Variants in UTS2 observed in about 807,000 individuals in gnomAD.
UTS2 encodes urotensin 2.
In UTS2, 10 loss-of-function variants were observed where a neutral mutation model predicts 12.6. The observed-to-expected ratio is 0.80, with a 90% CI of 0.49 to 1.35. The LOEUF is 1.35. Among genes scored for constraint, UTS2 ranks in the 40% most tolerant of loss-of-function variants. The pLI is 0.00. For missense variants in UTS2, 142 were observed against 143.2 expected (o/e 0.99, Z 0.04); for synonymous variants, 52 against 50.0 (o/e 1.04, Z -0.17).
the UTS2 span, among the ~76,000 whole-genome samples, chr1:7,908,424 T>C: frequency 0.13 from 18,937 of 141,304 alleles, 4,203 homozygotes; most frequent in African/African-American, 0.47. Context: ...TGAGATTGCA[T>C]CGCTCCGGCC....
chr1:7,854,006 G>C (rs68024107), upstream of UTS2, among the ~76,000 whole-genome samples: 25,792 of 152,106 alleles, frequency 0.17, 2,425 homozygotes, highest in Non-Finnish European at 0.18. Context: ...GAGGCAGGAG[G>C]ATCACTTGAG....
chr1:7,886,979 T>C, the UTS2 span, among the ~76,000 whole-genome samples: 3 of 130,948 alleles, frequency 2.3e-5, no homozygotes, highest in African/African-American at 8.8e-5. Flanking sequence ...AGGCAGAGGT[T>C]GCAGTGAGCC....
At chr1:7,854,544 G>T (rs1638264900), upstream of UTS2, among the ~76,000 whole-genome samples, 1 of 86,786 alleles carries the variant, frequency 1.2e-5, no homozygotes, top group Admixed American at 1.2e-4. Flanking sequence ...AAGAAAAGTG[G>T]TTACAACGTA....
chr1:7,911,536 T>C, the UTS2 span, among the ~76,000 whole-genome samples: 2 of 152,096 alleles, frequency 1.3e-5, no homozygotes, highest in East Asian at 3.9e-4. Context: ...GTGGCTGCAA[T>C]CCAACCTCAA....
At chr1:7,872,231 C>T in the UTS2 span, among the ~76,000 whole-genome samples, 3 of 123,126 alleles carry the variant, frequency 2.4e-5, no homozygotes, top group African/African-American at 6.2e-5. Flanking sequence ...ACCCAGGAGG[C>T]GGAGGTTGCA....
the UTS2 span, among the ~76,000 whole-genome samples, chr1:7,898,299 G>T: frequency 1.3e-5 from 2 of 152,092 alleles, no homozygotes; most frequent in Non-Finnish European, 2.9e-5. Context: ...AAGCTGTCCT[G>T]AGATCAGGCC....
At chr1:7,892,439 T>C in the UTS2 span, among the ~76,000 whole-genome samples, 1 of 150,830 alleles carries the variant, frequency 6.6e-6, no homozygotes, top group Non-Finnish European at 1.5e-5. Flanking sequence ...AGTCTCTCTC[T>C]GACTCTGACA....
chr1:7,847,904 A>C, intron 3 of UTS2, 22 bp from the exon 4 acceptor site: 2 of 1,531,932 alleles, frequency 1.3e-6, no homozygotes, highest in Non-Finnish European at 1.8e-6. Context: ...CAAACGAACA[A>C]CAACAACAAA....
chr1:7,912,427 G>GA, the UTS2 span, among the ~76,000 whole-genome samples: 3 of 150,474 alleles, frequency 2.0e-5, no homozygotes, highest in African/African-American at 7.3e-5. Flanking sequence ...ACCTGGGCAG[G>GA]AACTTTATAA....
At chr1:7,861,960 T>C in the UTS2 span, among the ~76,000 whole-genome samples, 1 of 151,662 alleles carries the variant, frequency 6.6e-6, no homozygotes, top group Non-Finnish European at 1.5e-5. Flanking sequence ...GTTACCAGGC[T>C]GGAGTGCAGT....
chr1:7,871,054 G>A, the UTS2 span, among the ~76,000 whole-genome samples: 1 of 152,242 alleles, frequency 6.6e-6, no homozygotes, highest in Non-Finnish European at 1.5e-5. Flanking sequence ...AGAACCGTGT[G>A]AGGCTAAAGC....
At chr1:7,867,989 AGT>A in the UTS2 span, among the ~76,000 whole-genome samples, 1 of 152,352 alleles carries the variant, frequency 6.6e-6, no homozygotes, top group South Asian at 2.1e-4. Context: ...AGCTGGTCGC[AGT>A]GAAGATGTAT....
chr1:7,872,930 A>G, the UTS2 span, among the ~76,000 whole-genome samples: 59,544 of 152,000 alleles, frequency 0.39, 12,498 homozygotes, highest in African/African-American at 0.53. Context: ...GGCCGACTCC[A>G]TTGTTAGGAG....
chr1:7,857,963 G>T (rs781238102), upstream of UTS2, among the ~76,000 whole-genome samples: 6 of 151,888 alleles, frequency 4.0e-5, no homozygotes, highest in South Asian at 6.2e-4. Context: ...GTCTCACAAA[G>T]AGGAAGGACG....
At chr1:7,861,165 G>A in the UTS2 span, among the ~76,000 whole-genome samples, 1 of 152,112 alleles carries the variant, frequency 6.6e-6, no homozygotes, top group Non-Finnish European at 1.5e-5. Flanking sequence ...GAACACCAAG[G>A]ATGATCCCAG....
chr1:7,872,342 G>GGAAAAGA, the UTS2 span, among the ~76,000 whole-genome samples: 267 of 113,756 alleles, frequency 2.3e-3, 2 homozygotes, highest in African/African-American at 8.9e-3. Context: ...AAAAGAAAAA[G>GGAAAAGA]AAAAAAAAGA....
the UTS2 span, among the ~76,000 whole-genome samples, chr1:7,885,463 G>A: frequency 6.6e-6 from 1 of 152,152 alleles, no homozygotes; most frequent in East Asian, 1.9e-4. Context: ...CCCCGGTATA[G>A]GCCGGCCTTA....
chr1:7,877,274 A>G, the UTS2 span, among the ~76,000 whole-genome samples: 1 of 152,194 alleles, frequency 6.6e-6, no homozygotes, highest in South Asian at 2.1e-4. Flanking sequence ...GAGATCTACC[A>G]AATGCCTGGA....
At chr1:7,848,606 C>T (rs576977904) in intron 3 of UTS2, among the ~76,000 whole-genome samples, 14 of 152,092 alleles carry the variant, frequency 9.2e-5, no homozygotes, top group African/African-American at 2.2e-4. Flanking sequence ...CTGCAACCCC[C>T]GCCTCCAGGT....
Sources: allele counts gnomAD v4.1 joint callset (sites outside exome capture counted in the v4.1 genomes callset), GRCh38; gene constraint gnomAD v4.1.1; transcripts MANE v1.5; gene names NCBI Gene and HGNC (gene_info 2026-07-23, HGNC 2026-07-21).